The following NLK variants were observed in gnomAD, a reference collection of about 807,000 sequenced individuals.
NLK encodes serine/threonine-protein kinase NLK.
In NLK, 11 loss-of-function variants were observed where a neutral mutation model predicts 59.0. That is an observed-to-expected ratio of 0.19 (90% CI 0.12 to 0.31). The LOEUF (loss-of-function observed/expected upper bound fraction) is 0.31, where lower values mean the gene tolerates loss of function less well. NLK is among the 10% of genes least tolerant of loss of function. The pLI is 1.00. For synonymous variants in NLK, 235 were observed against 235.9 expected (o/e 1.00, Z 0.03); for missense variants, 410 against 661.1 (o/e 0.62, Z 4.16).
chr17:28,203,170 C>T, the NLK span, among the ~76,000 whole-genome samples: 10 of 146,840 alleles, frequency 6.8e-5, no homozygotes, highest in Admixed American at 6.0e-4. Context: ...TACATACACA[C>T]ACACACACAC....
At chr17:28,093,284 A>G (rs932241510) in intron 1 of NLK, among the ~76,000 whole-genome samples, 5 of 152,218 alleles carry the variant, frequency 3.3e-5, no homozygotes, top group African/African-American at 1.2e-4. Context: ...TTTCTTAAAT[A>G]TAATTCTAGC....
chr17:28,076,356 A>G (rs1281112257), intron 1 of NLK, among the ~76,000 whole-genome samples: 1 of 152,116 alleles, frequency 6.6e-6, no homozygotes, highest in African/African-American at 2.4e-5. Context: ...ATACATTCTC[A>G]ATGTGTTCTC....
At chr17:28,109,562 C>T (rs1015842091) in intron 1 of NLK, among the ~76,000 whole-genome samples, 4 of 152,200 alleles carry the variant, frequency 2.6e-5, no homozygotes, top group Non-Finnish European at 4.4e-5. Context: ...CTGAAATGTT[C>T]TGTCTCTACA....
chr17:28,093,050 C>A (rs903826244), intron 1 of NLK, among the ~76,000 whole-genome samples: 1 of 152,072 alleles, frequency 6.6e-6, no homozygotes, highest in African/African-American at 2.4e-5. Context: ...ACCTTGGCCC[C>A]CCAAAGTGCT....
intron 3 of NLK, among the ~76,000 whole-genome samples, chr17:28,155,763 C>T (rs906161657): frequency 6.6e-6 from 1 of 151,042 alleles, no homozygotes; most frequent in African/African-American, 2.4e-5. Context: ...GGGAACATCA[C>T]ACATCAGGGC....
chr17:28,103,300 C>T (rs1904965096), intron 1 of NLK, among the ~76,000 whole-genome samples: 1 of 152,202 alleles, frequency 6.6e-6, no homozygotes. Flanking sequence ...TTATGCATTA[C>T]ATGCATTTTT....
chr17:28,204,471 T>C, the NLK span, among the ~76,000 whole-genome samples: 1 of 152,234 alleles, frequency 6.6e-6, no homozygotes, highest in African/African-American at 2.4e-5. Flanking sequence ...TCAAGACATG[T>C]GCATGTGTGT....
intron 1 of NLK, among the ~76,000 whole-genome samples, chr17:28,119,654 A>G (rs1249766770): frequency 6.6e-6 from 1 of 152,230 alleles, no homozygotes; most frequent in African/African-American, 2.4e-5. Flanking sequence ...GATTCAGGCA[A>G]AAATCATGAG....
At chr17:28,100,352 A>T (rs1266795050) in intron 1 of NLK, among the ~76,000 whole-genome samples, 1 of 152,154 alleles carries the variant, frequency 6.6e-6, no homozygotes, top group African/African-American at 2.4e-5. Flanking sequence ...AGACTTTTTT[A>T]AAACCACGAG....
intron 7 of NLK, among the ~76,000 whole-genome samples, chr17:28,176,600 A>G (rs1250688787): frequency 6.6e-6 from 1 of 152,188 alleles, no homozygotes; most frequent in African/African-American, 2.4e-5. Flanking sequence ...TAACTCTAAA[A>G]TCTATGTTCT....
intron 7 of NLK, among the ~76,000 whole-genome samples, chr17:28,180,807 T>C (rs1908874302): frequency 6.6e-6 from 1 of 152,208 alleles, no homozygotes; most frequent in Non-Finnish European, 1.5e-5. Flanking sequence ...GAATATCAAA[T>C]TACTTCACTT....
intron 6 of NLK, among the ~76,000 whole-genome samples, 153 bp downstream of exon 6, chr17:28,168,810 A>G (rs1278928712): frequency 6.6e-6 from 1 of 152,202 alleles, no homozygotes; most frequent in African/African-American, 2.4e-5. Context: ...TATAAAGTTG[A>G]AGATTACAAA....
chr17:28,172,591 A>G lies in NLK; in HGVS notation c.1122A>G (p.Ala374=). 1 of 1,584,880 alleles carries G rather than the reference A, an allele frequency of 6.3e-7. No individual in the cohort carries two copies. The highest frequency in any genetic ancestry group is 8.6e-7 in the Non-Finnish European group (1 of 1,166,180). ...GGACAGCTTGTGAAGGCGCTAAGGC[A>G]CATATACTCAGGGGTCCTCATAAAC... is the stretch of plus-strand genomic sequence containing the variant. ...AMRTACEGAK[A]HILRGPHKQP... Residue 374 remains alanine, a synonymous_variant, in exon 7 of 11, where the codon GCA becomes GCG. Coordinates refer to ENST00000407008, the MANE Select transcript of NLK (RefSeq NM_016231.5).
intron 1 of NLK, among the ~76,000 whole-genome samples, chr17:28,092,551 C>T (rs2142779548): frequency 6.6e-6 from 1 of 152,088 alleles, no homozygotes; most frequent in Non-Finnish European, 1.5e-5. Context: ...TAGGATTTAT[C>T]TTTCCTGTCT....
intron 1 of NLK, among the ~76,000 whole-genome samples, chr17:28,085,906 G>A (rs544896540): frequency 6.6e-6 from 1 of 152,306 alleles, no homozygotes; most frequent in African/African-American, 2.4e-5. Flanking sequence ...GGAGCAATAG[G>A]CTATACCGTA....
At chr17:28,067,052 A>T (rs1015013692) in intron 1 of NLK, among the ~76,000 whole-genome samples, 12 of 152,258 alleles carry the variant, frequency 7.9e-5, no homozygotes, top group African/African-American at 2.4e-4. Flanking sequence ...GTTCCTTTTT[A>T]AAAAAATTCT....
At chr17:28,142,120 G>T (rs1597706068) in intron 3 of NLK, among the ~76,000 whole-genome samples, 3 of 152,136 alleles carry the variant, frequency 2.0e-5, no homozygotes, top group Admixed American at 2.0e-4. Flanking sequence ...TACATACATG[G>T]TTATAGCCTT....
chr17:28,103,843 A>T (rs953737527), intron 1 of NLK, among the ~76,000 whole-genome samples: 3 of 152,180 alleles, frequency 2.0e-5, no homozygotes, highest in Admixed American at 6.5e-5. Context: ...TTAACCTGCT[A>T]ATTTTTTGAC....
intron 1 of NLK, among the ~76,000 whole-genome samples, chr17:28,117,590 C>T (rs1304510605): frequency 6.6e-6 from 1 of 152,136 alleles, no homozygotes; most frequent in Non-Finnish European, 1.5e-5. Context: ...TTTTGCTGCT[C>T]CTAAGGAATA....
Sources: gnomAD v4.1 joint callset for allele counts (sites outside exome capture counted in the v4.1 genomes callset) on GRCh38, gnomAD v4.1.1 for gene constraint, MANE v1.5 for transcripts, NCBI Gene and HGNC (gene_info 2026-07-23, HGNC 2026-07-21) for gene names.